The following CDC42SE2 variants were observed in gnomAD, a reference collection of about 807,000 sequenced individuals.
CDC42SE2 encodes the protein CDC42 small effector protein 2.
Under a neutral mutation model 11.5 loss-of-function variants are expected in CDC42SE2, and 3 were observed. The ratio of observed to expected loss-of-function variants is 0.26; its 90% CI spans 0.12 to 0.67. The LOEUF is 0.67. Ranked by LOEUF, CDC42SE2 falls within the 30% of genes least tolerant of loss-of-function variation. CDC42SE2 has a pLI of 0.80. For synonymous variants in CDC42SE2, 33 were observed against 34.8 expected (o/e 0.95, Z 0.18); for missense variants, 82 against 106.8 (o/e 0.77, Z 1.02).
At chr5:131,287,056 G>A (rs1035037685) in intron 1 of CDC42SE2, among the ~76,000 whole-genome samples, 1 of 151,788 alleles carries the variant, frequency 6.6e-6, no homozygotes, top group African/African-American at 2.4e-5. Context: ...GTGCAGTGGC[G>A]CAATCTTGGC....
intron 2 of CDC42SE2, among the ~76,000 whole-genome samples, chr5:131,334,922 T>C (rs1311365935): frequency 6.6e-6 from 1 of 152,226 alleles, no homozygotes; most frequent in Admixed American, 6.5e-5. Flanking sequence ...CACCAACTCC[T>C]GGATTCATTG....
intron 2 of CDC42SE2, among the ~76,000 whole-genome samples, chr5:131,336,781 C>T (rs1265629186): frequency 6.6e-6 from 1 of 152,212 alleles, no homozygotes; most frequent in Non-Finnish European, 1.5e-5. Context: ...GAGGCTTGTG[C>T]ATTCGTCACA....
Position 131,391,176 on chromosome 5 carries a change from T to C in CDC42SE2, c.*85T>C. 1 of 545,090 alleles carries C rather than the reference T, an allele frequency of 1.8e-6. No homozygotes were observed. The highest frequency in any genetic ancestry group is 2.0e-5 in the African/African-American group (1 of 49,650). The allele number at this position is 545,090 out of a possible 1,614,324, so 33.8% of individuals were successfully genotyped here. ...GGCCAGGCCAATAATAGTAAATATA[T>C]GTATATATATATAATTTTTTAATGG... On this transcript the variant is annotated 3_prime_UTR_variant, in exon 5 of 5. Coordinates refer to ENST00000505065, the MANE Select transcript of CDC42SE2 (RefSeq NM_001375635.1).
chr5:131,348,512 A>G (rs188939520), intron 2 of CDC42SE2, among the ~76,000 whole-genome samples: 1 of 152,340 alleles, frequency 6.6e-6, no homozygotes, highest in East Asian at 1.9e-4. Context: ...AAATGGAAGA[A>G]CATTCCATGC....
At chr5:131,290,999 C>G (rs1025423437) in intron 1 of CDC42SE2, among the ~76,000 whole-genome samples, 1 of 152,030 alleles carries the variant, frequency 6.6e-6, no homozygotes, top group Non-Finnish European at 1.5e-5. Context: ...GAGAAAACAT[C>G]GGTCAATATA....
the CDC42SE2 span, among the ~76,000 whole-genome samples, chr5:131,233,206 C>T: frequency 6.6e-6 from 1 of 151,838 alleles, no homozygotes; most frequent in African/African-American, 2.4e-5. Flanking sequence ...AGATTATTTC[C>T]TATCAGTACA....
intron 3 of CDC42SE2, among the ~76,000 whole-genome samples, chr5:131,375,366 T>G (rs1750122959): frequency 6.6e-6 from 1 of 152,214 alleles, no homozygotes; most frequent in Non-Finnish European, 1.5e-5. Flanking sequence ...GCACCACACT[T>G]AAGATTGAAT....
rs559618224 is a variant in CDC42SE2, at chr5:131,252,673, A to C, written n.108-2422A>C. Among the ~76,000 whole-genome samples, 39 of 152,148 alleles carry C rather than the reference A, an allele frequency of 2.6e-4. 1 individual carries two copies. Among genetic ancestry groups the C allele is most frequent in the Admixed American group, 2.0e-3 (31 of 15,282 alleles). ...TTCGTCTCAAAAACAACAACAACAA[A>C]AAACTCCTTATCATGATCTAGTGCC... On this transcript the variant is annotated intron_variant and non_coding_transcript_variant, in intron 1 of 3. Coordinates refer to the CDC42SE2 transcript ENST00000502840.
chr5:131,294,296 T>C (rs1202014358), intron 1 of CDC42SE2, among the ~76,000 whole-genome samples: 1 of 152,106 alleles, frequency 6.6e-6, no homozygotes, highest in African/African-American at 2.4e-5. Flanking sequence ...TGACATAATA[T>C]AGAAAATTAA....
rs1043633684 is a variant in CDC42SE2 at position 131,264,175 on chromosome 5, A to G, written c.-455+9A>G. The G allele has an allele frequency of 1.3e-5, 2 of 152,184 alleles. No individual in the cohort carries two copies. Among genetic ancestry groups the G allele is most frequent in the Admixed American group, 6.5e-5 (1 of 15,280 alleles). The allele number at this position is 152,184 out of a possible 1,614,324, so 9.4% of individuals were successfully genotyped here. On this transcript the variant is annotated intron_variant, in intron 1 of 4. Transcript: ENST00000505065. ...CTGAGACAAAGGCGACGGTGAGTGCAATGCCAGCCCCAGTCGCGCGTCGGC... is the reference window on the plus strand; with the variant it reads ...CTGAGACAAAGGCGACGGTGAGTGCGATGCCAGCCCCAGTCGCGCGTCGGC...
intron 1 of CDC42SE2, among the ~76,000 whole-genome samples, chr5:131,307,796 T>C (rs1225531927): frequency 6.6e-6 from 1 of 152,226 alleles, no homozygotes; most frequent in Non-Finnish European, 1.5e-5. Flanking sequence ...GTGGTTTTGA[T>C]TTGCATTTCT....
chr5:131,315,677 C>G (rs186788487), intron 1 of CDC42SE2, among the ~76,000 whole-genome samples: 289 of 152,280 alleles, frequency 1.9e-3, no homozygotes, highest in Middle Eastern at 0.01. Flanking sequence ...AGGCAGTTAT[C>G]CTTTAACCAT....
intron 3 of CDC42SE2, among the ~76,000 whole-genome samples, chr5:131,385,224 T>C (rs545421685): frequency 1.3e-5 from 2 of 152,330 alleles, no homozygotes; most frequent in South Asian, 2.1e-4. Flanking sequence ...CCAACAATAA[T>C]AGTGACTGAG....
At chr5:131,372,123 A>G (rs1750028336) in intron 3 of CDC42SE2, among the ~76,000 whole-genome samples, 1 of 152,134 alleles carries the variant, frequency 6.6e-6, no homozygotes, top group African/African-American at 2.4e-5. Context: ...TGTACCTGTT[A>G]TGTACTTATG....
intron 2 of CDC42SE2, among the ~76,000 whole-genome samples, chr5:131,330,505 T>C (rs1333599733): frequency 6.6e-6 from 1 of 152,240 alleles, no homozygotes; most frequent in Non-Finnish European, 1.5e-5. Flanking sequence ...GGATATCATG[T>C]ACTTCTTTTT....
chr5:131,261,102 C>A (rs1242779207), upstream of CDC42SE2, among the ~76,000 whole-genome samples: 1 of 152,226 alleles, frequency 6.6e-6, no homozygotes, highest in African/African-American at 2.4e-5. Context: ...CATGTTCCTT[C>A]CTGTTGTTTT....
At chr5:131,237,575 TC>T in the CDC42SE2 span, among the ~76,000 whole-genome samples, 1 of 152,322 alleles carries the variant, frequency 6.6e-6, no homozygotes, top group African/African-American at 2.4e-5. Context: ...TTTTTTGCTT[TC>T]ATTTTATTTT....
In CDC42SE2 at chr5:131,318,520, A is replaced by G. The variant is rs534451317; in HGVS notation, c.-286+2376A>G. On this transcript the variant is annotated intron_variant, in intron 2 of 4. Transcript: ENST00000505065. ...ACTTATTTTTATGAATTTCAACCTG[A>G]AAACATAGTTATTGAATTCCTGGCA... Among the ~76,000 whole-genome samples, 29 of 152,322 alleles carry G rather than the reference A, an allele frequency of 1.9e-4. 1 individual carries two copies. The South Asian group carries it at 6.0e-3, about 32-fold the overall frequency.
At position 131,385,687 on chromosome 5, in the gene CDC42SE2, A is replaced by G. The variant is rs973807848; in HGVS notation, c.156+43A>G. ...ACATGCAGGTAGGGCATTGGGGCAT[A>G]GTCATATGAAACCTGTGTGACAGGC... On this transcript the variant is annotated intron_variant, in intron 4 of 4. Transcript: ENST00000505065. 4 of 1,232,768 alleles carry G rather than the reference A, an allele frequency of 3.2e-6. No individual in the cohort carries two copies. The Admixed American group carries it at 5.4e-5, about 17-fold the overall frequency. 76.4% of individuals were successfully genotyped at this position (1,232,768 alleles called of 1,614,324 possible). A position where few individuals can be genotyped will look rare whatever the true frequency, so the allele number is the denominator to read the frequency against.
Sources: allele counts gnomAD v4.1 joint callset (sites outside exome capture counted in the v4.1 genomes callset), GRCh38; gene constraint gnomAD v4.1.1; transcripts MANE v1.5; gene names NCBI Gene and HGNC (gene_info 2026-07-23, HGNC 2026-07-21).